Variants in TCF24 observed in about 807,000 individuals in gnomAD.
The protein encoded by TCF24 is transcription factor 24.
Under a neutral mutation model 9.3 loss-of-function variants are expected in TCF24, and 5 were observed. That is an observed-to-expected ratio of 0.54 (90% CI 0.28 to 1.13). The LOEUF is 1.13. TCF24 is among the 50% of genes most tolerant of loss of function. The pLI, the probability that TCF24 is intolerant of heterozygous loss-of-function variation, is 0.09. For synonymous variants in TCF24, 110 were observed against 115.8 expected (o/e 0.95, Z 0.32); for missense variants, 220 against 236.1 (o/e 0.93, Z 0.45).
Position 66,946,604 on chromosome 8 carries a change from C to T in TCF24, c.*1447G>A. Reference sequence around the variant, plus strand: ...TCTTTTGAATCTGAGTGAAAATATGCAATTTCTCCTCTGTAAACATACCAA... The same window carrying T: ...TCTTTTGAATCTGAGTGAAAATATGTAATTTCTCCTCTGTAAACATACCAA... On this transcript the variant is annotated 3_prime_UTR_variant, in exon 4 of 4. Coordinates refer to ENST00000563496, the MANE Select transcript of TCF24 (RefSeq NM_001193502.2). The T allele has an allele frequency of 6.6e-6, 1 of 152,198 alleles. No homozygotes were observed. Among genetic ancestry groups the T allele is most frequent in the South Asian group, 2.1e-4 (1 of 4,816 alleles). 9.4% of individuals were successfully genotyped at this position (152,198 alleles called of 1,614,324 possible). A position where few individuals can be genotyped will look rare whatever the true frequency, so the allele number is the denominator to read the frequency against.
At chr8:66,954,283 CCTTT>C (rs552690360) in intron 3 of TCF24, among the ~76,000 whole-genome samples, 5,036 of 151,818 alleles carry the variant, frequency 0.033, 100 homozygotes, top group Middle Eastern at 0.065. Context: ...GTGTGGATGT[CCTTT>C]CTGTTTGTTA....
chr8:66,955,291 C>T (rs1814135183), intron 3 of TCF24, among the ~76,000 whole-genome samples: 1 of 151,548 alleles, frequency 6.6e-6, no homozygotes, highest in Admixed American at 6.6e-5. Context: ...GAATAAAACT[C>T]TTTTGGGAGG....
At chr8:66,954,643 C>G (rs1265739848) in intron 3 of TCF24, among the ~76,000 whole-genome samples, 4 of 152,048 alleles carry the variant, frequency 2.6e-5, no homozygotes. Flanking sequence ...TTCCAGGCTG[C>G]TTTGTTTACC....
At chr8:66,954,127 C>T (rs550825233) in intron 3 of TCF24, among the ~76,000 whole-genome samples, 86 of 152,314 alleles carry the variant, frequency 5.6e-4, no homozygotes, top group African/African-American at 1.1e-3. Context: ...AGCTTTGTTC[C>T]GTTGCTGGTG....
intron 3 of TCF24, among the ~76,000 whole-genome samples, chr8:66,958,834 GTTTC>G (rs1241527520): frequency 6.6e-6 from 1 of 152,182 alleles, no homozygotes; most frequent in East Asian, 1.9e-4. Context: ...ATACACTCCT[GTTTC>G]TTAGCGAATC....
At chr8:66,958,801 T>C (rs1814208530) in intron 3 of TCF24, among the ~76,000 whole-genome samples, 1 of 152,234 alleles carries the variant, frequency 6.6e-6, no homozygotes, top group Admixed American at 6.5e-5. Context: ...ATCTGTGTTT[T>C]TCTGCCAATG....
Position 66,956,792 on chromosome 8 carries a change from G to T in TCF24, c.390+4584C>A, listed in dbSNP as rs140835860. On this transcript the variant is annotated intron_variant, in intron 3 of 3. Transcript: ENST00000563496. ...GTAGTGTTACAGACTGAATGTTTGT[G>T]TCCTTCCAAAATGTACATGTTGAAG... 3.8e-3 allele frequency among the ~76,000 whole-genome samples: 577 copies of T among 152,222 alleles called. 3 individuals are homozygous for T. Among genetic ancestry groups the T allele is most frequent in the African/African-American group, 0.013 (544 of 41,540 alleles).
chr8:66,953,991 A>G (rs895905769), intron 3 of TCF24, among the ~76,000 whole-genome samples: 9 of 151,702 alleles, frequency 5.9e-5, no homozygotes, highest in African/African-American at 1.9e-4. Flanking sequence ...CTAGTTATAC[A>G]TTCTTCTAAA....
chr8:66,951,885 G>A (rs1480828579), intron 3 of TCF24, among the ~76,000 whole-genome samples: 6 of 149,726 alleles, frequency 4.0e-5, no homozygotes, highest in Non-Finnish European at 7.4e-5. Context: ...TTTGCGTAGA[G>A]GTGTTTGTAG....
At chr8:66,950,424 G>A (rs376130762) in intron 3 of TCF24, among the ~76,000 whole-genome samples, 24 of 149,064 alleles carry the variant, frequency 1.6e-4, no homozygotes, top group Admixed American at 3.4e-4. Flanking sequence ...GATATGCGGC[G>A]TTATTTCTGA....
chr8:66,953,184 C>T (rs1324435946), intron 3 of TCF24, among the ~76,000 whole-genome samples: 1 of 151,950 alleles, frequency 6.6e-6, no homozygotes, highest in Non-Finnish European at 1.5e-5. Context: ...CAGTTTCTTC[C>T]TAGTCTCGAT....
chr8:66,952,460 T>C (rs1814074832), intron 3 of TCF24, among the ~76,000 whole-genome samples: 1 of 141,244 alleles, frequency 7.1e-6, no homozygotes, highest in African/African-American at 2.6e-5. Flanking sequence ...GTCTGAGAGA[T>C]AGTTTGTTAT....
In TCF24 at chr8:66,948,020, C is replaced by A; in HGVS notation, c.*31G>T. On this transcript the variant is annotated 3_prime_UTR_variant, in exon 4 of 4. Coordinates refer to ENST00000563496, the MANE Select transcript of TCF24 (RefSeq NM_001193502.2). ...TCATAGTATTTAAAAACAATAGCCA[C>A]CACTTCTACCAGCCCCCACCAGGGG... The A allele has an allele frequency of 7.0e-7, 1 of 1,421,462 alleles. No individual in the cohort carries two copies. The highest frequency in any genetic ancestry group is 9.3e-7 in the Non-Finnish European group (1 of 1,070,228). The allele number at this position is 1,421,462 out of a possible 1,614,324, so 88.1% of individuals were successfully genotyped here.
At chr8:66,962,257 A>T (rs1221569586) in intron 1 of TCF24, 72 bp downstream of exon 1, 1 of 152,252 alleles carries the variant, frequency 6.6e-6, no homozygotes, top group East Asian at 1.9e-4. Context: ...CCTTAGCCTC[A>T]CCTCGGGGTA....
chr8:66,960,437 T>C (rs185773314), intron 3 of TCF24, among the ~76,000 whole-genome samples: 14 of 152,126 alleles, frequency 9.2e-5, no homozygotes, highest in East Asian at 5.8e-4. Flanking sequence ...TGTGTGTGTG[T>C]GCGCGCGTGT....
intron 3 of TCF24, among the ~76,000 whole-genome samples, chr8:66,955,815 G>C (rs755429251): frequency 6.6e-6 from 1 of 152,090 alleles, no homozygotes; most frequent in Non-Finnish European, 1.5e-5. Context: ...ACCTAAACTG[G>C]GACTCCAAAT....
At chr8:66,951,430 C>G (rs1814057550) in intron 3 of TCF24, among the ~76,000 whole-genome samples, 1 of 146,638 alleles carries the variant, frequency 6.8e-6, no homozygotes, top group Non-Finnish European at 1.5e-5. Context: ...CCTTGCATCC[C>G]AGGGATGAAG....
intron 3 of TCF24, among the ~76,000 whole-genome samples, chr8:66,956,470 C>G (rs1282622912): frequency 6.6e-6 from 1 of 152,172 alleles, no homozygotes; most frequent in East Asian, 1.9e-4. Flanking sequence ...TCAAGTGATT[C>G]TCCTGCCTGA....
At chr8:66,952,806 T>A (rs1814079724) in intron 3 of TCF24, among the ~76,000 whole-genome samples, 1 of 151,474 alleles carries the variant, frequency 6.6e-6, no homozygotes, top group African/African-American at 2.4e-5. Context: ...ATATTTAGGA[T>A]AGTTAGCTCT....
Sources: gnomAD v4.1 joint callset for allele counts (sites outside exome capture counted in the v4.1 genomes callset) on GRCh38, gnomAD v4.1.1 for gene constraint, MANE v1.5 for transcripts, NCBI Gene and HGNC (gene_info 2026-07-23, HGNC 2026-07-21) for gene names.